Variants in RFX3 observed in about 807,000 individuals in gnomAD.
RFX3 encodes the protein transcription factor RFX3.
RFX3 carries 14 observed loss-of-function variants against 98.6 expected under a neutral mutation model. That is an observed-to-expected ratio of 0.14 (90% CI 0.09 to 0.22). The LOEUF is 0.22. Among genes scored for constraint, RFX3 ranks in the 10% least tolerant of loss-of-function variants. The probability of loss-of-function intolerance (pLI) is 1.00; values close to 1 mark genes in which losing one functional copy is unlikely to be tolerated. For synonymous variants in RFX3, 383 were observed against 328.4 expected (o/e 1.17, Z -1.80); for missense variants, 639 against 926.9 (o/e 0.69, Z 4.03).
intron 1 of RFX3, among the ~76,000 whole-genome samples, chr9:3,397,783 G>C (rs1587507297): frequency 6.6e-6 from 1 of 152,260 alleles, no homozygotes; most frequent in African/African-American, 2.4e-5. Flanking sequence ...GTAACAACTA[G>C]CACTGATTGT....
At chr9:3,487,452 G>A (rs1290253545) in intron 1 of RFX3, among the ~76,000 whole-genome samples, 1 of 152,124 alleles carries the variant, frequency 6.6e-6, no homozygotes, top group African/African-American at 2.4e-5. Flanking sequence ...TATATCCTGT[G>A]TACAGTATTA....
intron 1 of RFX3, among the ~76,000 whole-genome samples, chr9:3,398,896 C>T (rs555315476): frequency 1.6e-5 from 2 of 127,478 alleles, no homozygotes; most frequent in Admixed American, 8.1e-5. Context: ...CACATGTACC[C>T]TAAAACTTAG....
At chr9:3,301,883 C>A (rs2070945009) in intron 4 of RFX3, among the ~76,000 whole-genome samples, 1 of 151,814 alleles carries the variant, frequency 6.6e-6, no homozygotes, top group African/African-American at 2.4e-5. Flanking sequence ...ACCTGAAGAG[C>A]AGGGACCCTG....
chr9:3,426,117 GAAC>G (rs762341428), intron 1 of RFX3, among the ~76,000 whole-genome samples: 21 of 152,132 alleles, frequency 1.4e-4, no homozygotes, highest in Non-Finnish European at 2.1e-4. Flanking sequence ...CCATGTTTAT[GAAC>G]AACGTTTCTG....
At chr9:3,499,231 GA>G (rs1587864943) in intron 1 of RFX3, among the ~76,000 whole-genome samples, 2 of 151,786 alleles carry the variant, frequency 1.3e-5, no homozygotes, top group East Asian at 1.9e-4. Flanking sequence ...AAGTTTTAGG[GA>G]AAAAAGCAGC....
chr9:3,497,223 G>A (rs1851176793), intron 1 of RFX3, among the ~76,000 whole-genome samples: 1 of 151,938 alleles, frequency 6.6e-6, no homozygotes, highest in South Asian at 2.1e-4. Flanking sequence ...CAATTGATAG[G>A]CAGTACTATT....
chr9:3,318,232 T>C (rs1309558274), intron 4 of RFX3, among the ~76,000 whole-genome samples: 1 of 152,306 alleles, frequency 6.6e-6, no homozygotes, highest in Non-Finnish European at 1.5e-5. Flanking sequence ...GAGACATGGA[T>C]GAAGCTAGAA....
intron 7 of RFX3, among the ~76,000 whole-genome samples, chr9:3,279,187 T>C (rs1586854170): frequency 1.3e-5 from 2 of 151,962 alleles, no homozygotes; most frequent in South Asian, 2.1e-4. Flanking sequence ...CATTCTGTTG[T>C]AGCAGACTTG....
At chr9:3,445,599 A>T (rs547625080) in intron 1 of RFX3, among the ~76,000 whole-genome samples, 13 of 152,188 alleles carry the variant, frequency 8.5e-5, no homozygotes, top group African/African-American at 3.1e-4. Context: ...TTCTTCTCCA[A>T]ATATTTCCTG....
Position 3,515,479 on chromosome 9 carries a change from T to TA in RFX3, c.-9+10267dup, listed in dbSNP as rs141825100. Among the ~76,000 whole-genome samples the TA allele has an allele frequency of 5.8e-3, 887 of 152,214 alleles. 3 individuals carry two copies. The highest frequency in any genetic ancestry group is 0.02 in the African/African-American group (846 of 41,536). ...CTGTCTCCCACCTCCCTACGCCCCG[T>TA]AAGTCCCACCTCAAGCCCCCACACC... On this transcript the variant is annotated intron_variant, in intron 1 of 16. Coordinates refer to ENST00000617270, the MANE Select transcript of RFX3 (RefSeq NM_001282116.2).
At chr9:3,315,699 A>G (rs536610324) in intron 4 of RFX3, among the ~76,000 whole-genome samples, 1 of 152,344 alleles carries the variant, frequency 6.6e-6, no homozygotes, top group Non-Finnish European at 1.5e-5. Context: ...GGATATCACC[A>G]CCGATCTCAT....
At chr9:3,316,908 AG>A (rs1279689875) in intron 4 of RFX3, among the ~76,000 whole-genome samples, 1 of 152,244 alleles carries the variant, frequency 6.6e-6, no homozygotes, top group African/African-American at 2.4e-5. Context: ...AACCATGGAT[AG>A]GAAGAATCAA....
chr9:3,425,759 C>A (rs1315784092), intron 1 of RFX3, among the ~76,000 whole-genome samples: 1 of 152,138 alleles, frequency 6.6e-6, no homozygotes, highest in African/African-American at 2.4e-5. Context: ...CTCTTCACCT[C>A]TGTAATTGCA....
At chr9:3,296,887 C>T (rs1828064229) in intron 5 of RFX3, among the ~76,000 whole-genome samples, 1 of 152,080 alleles carries the variant, frequency 6.6e-6, no homozygotes, top group Non-Finnish European at 1.5e-5. Context: ...AAGGATCCAC[C>T]AGACAAGACT....
chr9:3,503,218 T>G (rs1457310796), intron 1 of RFX3, among the ~76,000 whole-genome samples: 5 of 152,190 alleles, frequency 3.3e-5, no homozygotes, highest in Non-Finnish European at 7.3e-5. Context: ...CATAAATGCC[T>G]GGGCATATTT....
chr9:3,288,260 T>C lies in RFX3; in HGVS notation c.732-10A>G, dbSNP rs1198295629. The C allele has an allele frequency of 1.2e-6, 2 of 1,611,026 alleles. No homozygotes were observed. The highest frequency in any genetic ancestry group is 1.7e-6 in the Non-Finnish European group (2 of 1,177,716). On this transcript the variant is annotated splice_polypyrimidine_tract_variant and intron_variant, in intron 6 of 16. Coordinates refer to ENST00000617270, the MANE Select transcript of RFX3 (RefSeq NM_001282116.2). ...GTATTTGGAGTTTCCTCTTCATTAA[T>C]GAACAAGAAACATTAGAAACAAAAG...
chr9:3,241,228 T>G (rs948436017), intron 15 of RFX3, among the ~76,000 whole-genome samples: 23 of 151,370 alleles, frequency 1.5e-4, no homozygotes, highest in African/African-American at 2.2e-4. Context: ...TTTTTTGTTT[T>G]TTTTTTTTTT....
chr9:3,436,460 A>G (rs1196602691), intron 1 of RFX3, among the ~76,000 whole-genome samples: 1 of 152,102 alleles, frequency 6.6e-6, no homozygotes, highest in African/African-American at 2.4e-5. Context: ...TAAAAGCATT[A>G]TATTTTTAGT....
chr9:3,315,014 C>T (rs1324173073), intron 4 of RFX3, among the ~76,000 whole-genome samples: 1 of 152,118 alleles, frequency 6.6e-6, no homozygotes, highest in Non-Finnish European at 1.5e-5. Context: ...CAGCTCTGCA[C>T]CAAGCAGACC....
Sources: gnomAD v4.1 joint callset for allele counts (sites outside exome capture counted in the v4.1 genomes callset) on GRCh38, gnomAD v4.1.1 for gene constraint, MANE v1.5 for transcripts, NCBI Gene and HGNC (gene_info 2026-07-23, HGNC 2026-07-21) for gene names.